Variants in SLX4 observed in about 807,000 individuals in gnomAD.
SLX4 encodes structure-specific endonuclease subunit SLX4.
SLX4 carries 112 observed loss-of-function variants against 146.2 expected under a neutral mutation model. That is an observed-to-expected ratio of 0.77 (90% CI 0.66 to 0.90). SLX4 has a LOEUF of 0.90. Ranked by LOEUF, SLX4 falls within the 40% of genes least tolerant of loss-of-function variation. The probability of loss-of-function intolerance (pLI) is 0.00; values close to 1 mark genes in which losing one functional copy is unlikely to be tolerated. For synonymous variants in SLX4, 1,061 were observed against 997.7 expected, an observed-to-expected ratio of 1.06 and a Z score of -1.20; for missense variants, 2,563 against 2,392.7, an observed-to-expected ratio of 1.07 and a Z score of -1.49.
rs1456179645 is a variant in SLX4 at position 3,606,460 on chromosome 16, C to T, written c.760+14G>A. 1 of 1,613,182 alleles carries T rather than the reference C, an allele frequency of 6.2e-7. No homozygotes were observed. The highest frequency in any genetic ancestry group is 8.5e-7 in the Non-Finnish European group (1 of 1,179,142). The stretch of plus-strand genomic sequence containing the variant: ...CTTATCTCTGTGTGGAAGACAGAAA[C>T]ACACTCATCATACCATTCCCCGCCA... On this transcript the variant is annotated intron_variant, in intron 3 of 14. Transcript: ENST00000294008.
intron 8 of SLX4, 142 bp downstream of exon 8, chr16:3,596,011 A>C (rs2151129662): frequency 1.5e-6 from 2 of 1,295,790 alleles, no homozygotes; most frequent in Non-Finnish European, 1.0e-6. Flanking sequence ...AAAAAATGAA[A>C]GCGCCCAGAG....
chr16:3,607,318 C>A (rs761644217), intron 2 of SLX4, among the ~76,000 whole-genome samples: 16 of 152,206 alleles, frequency 1.1e-4, no homozygotes, highest in Non-Finnish European at 1.8e-4. Flanking sequence ...GTAGTCTATG[C>A]GACCTGAGAC....
In SLX4 at chr16:3,595,723, C is replaced by T. The variant is rs149916101; in HGVS notation, c.1925-30G>A. 3,952 of 1,609,636 alleles carry T rather than the reference C, an allele frequency of 2.5e-3. 20 individuals are homozygous for T. The highest frequency in any genetic ancestry group is 0.018 in the African/African-American group (1,318 of 74,928). On this transcript the variant is annotated intron_variant, in intron 8 of 14. Transcript: ENST00000294008. ...GTGGAGGATTCACAGGTTAAAGGAACGTCACAGCCCAGCCACATCCACCAC... is the reference window on the plus strand; with the variant it reads ...GTGGAGGATTCACAGGTTAAAGGAATGTCACAGCCCAGCCACATCCACCAC...
chr16:3,584,877 TA>T lies in SLX4; in HGVS notation c.4637-7del, dbSNP rs2040490545. ...CTTCTTCCGATTAGCACCTTCTGGG[TA>T]AAACAAAAGAAGCACACGTTTTAGC... On this transcript the variant is annotated splice_region_variant and splice_polypyrimidine_tract_variant and intron_variant, in intron 12 of 14. Coordinates refer to ENST00000294008, the MANE Select transcript of SLX4 (RefSeq NM_032444.4). 6.2e-7 allele frequency: 1 copy of T among 1,604,016 alleles called. No individual in the cohort carries two copies. Among genetic ancestry groups the T allele is most frequent in the Non-Finnish European group, 8.5e-7 (1 of 1,170,852 alleles).
intron 5 of SLX4, chr16:3,600,748 G>C: frequency 2.1e-6 from 1 of 477,358 alleles, no homozygotes; most frequent in East Asian, 4.1e-5. Flanking sequence ...CTACAGGCAT[G>C]TGCCACCATG....
intron 12 of SLX4, among the ~76,000 whole-genome samples, chr16:3,588,761 G>T (rs570379561): frequency 6.6e-5 from 10 of 152,296 alleles, no homozygotes; most frequent in African/African-American, 2.4e-4. Flanking sequence ...ACATGCCCAG[G>T]TGAGCACTGG....
intron 3 of SLX4, among the ~76,000 whole-genome samples, chr16:3,604,066 G>C (rs113364766): frequency 0.063 from 9,610 of 151,800 alleles, 321 homozygotes; most frequent in Admixed American, 0.074. Context: ...CCCATTTCTA[G>C]TAAAAATACA....
At position 3,597,921 on chromosome 16, in the gene SLX4, G is replaced by A. The variant is rs773150424; in HGVS notation, c.1242C>T (p.Asp414=). 8 of 1,614,102 alleles carry A rather than the reference G, an allele frequency of 5.0e-6. No individual in the cohort carries two copies. Among genetic ancestry groups the A allele is most frequent in the Admixed American group, 1.7e-5 (1 of 60,030 alleles). Reference sequence around the variant, plus strand: ...CCAGCAGGTCCTCGGACGGTGCCTCGTCCACCTTCCGCCTCTTCCGTGGCT... The same window carrying A: ...CCAGCAGGTCCTCGGACGGTGCCTCATCCACCTTCCGCCTCTTCCGTGGCT... ...KKEPRKRRKV[D]EAPSEDLLVA... The change falls in exon 6 of 15, where the codon GAC becomes GAT. Residue 414 remains aspartate, a synonymous_variant. Transcript: ENST00000294008. The surrounding 1 kb of genome is among the most constrained non-coding windows in gnomAD (Gnocchi z 4.4).
At position 3,590,807 on chromosome 16, in the gene SLX4, G is replaced by A; in HGVS notation, c.2831C>T (p.Pro944Leu). Residue 944 changes from proline (P) to leucine (L), a missense_variant, in exon 12 of 15, where the codon CCT (proline) becomes CTT (leucine). Transcript: ENST00000294008. This position sits in a 1 kb window ranked among gnomAD's most constrained non-coding sequence, Gnocchi z 4.8. Reference sequence around the variant, plus strand: ...CGCCTCCTCTGGCGCCTCCTGCTCAGGGGCCTCTGCTCCCCGTGCCCCTGA... The same window carrying A: ...CGCCTCCTCTGGCGCCTCCTGCTCAAGGGCCTCTGCTCCCCGTGCCCCTGA... ...QHSGARGAEA[P>L]EQEAPEEALG... is the part of the protein sequence containing the mutation. 6.2e-7 allele frequency: 1 copy of A among 1,614,030 alleles called. No individual in the cohort carries two copies. Among genetic ancestry groups the A allele is most frequent in the South Asian group, 1.1e-5 (1 of 91,080 alleles).
intron 12 of SLX4, among the ~76,000 whole-genome samples, chr16:3,586,924 A>G (rs1485171011): frequency 6.6e-6 from 1 of 152,202 alleles, no homozygotes; most frequent in Non-Finnish European, 1.5e-5. Context: ...CACAGACACA[A>G]AAGGCCACAT....
intron 10 of SLX4, among the ~76,000 whole-genome samples, chr16:3,594,092 C>T (rs1278273396): frequency 1.3e-5 from 2 of 152,120 alleles, no homozygotes; most frequent in South Asian, 2.1e-4. Context: ...TGGTCTTGAT[C>T]TCCTGACCTT....
chr16:3,599,235 T>G (rs2040700903), intron 5 of SLX4, among the ~76,000 whole-genome samples: 1 of 152,090 alleles, frequency 6.6e-6, no homozygotes, highest in South Asian at 2.1e-4. Flanking sequence ...CTCTGCCATC[T>G]CAGCCCCGAG....
rs1453789700 is a variant in SLX4 at position 3,606,612 on chromosome 16, A to T, written c.622T>A (p.Leu208Met). 6.2e-7 allele frequency: 1 copy of T among 1,614,034 alleles called. No homozygotes were observed. The highest frequency in any genetic ancestry group is 8.5e-7 in the Non-Finnish European group (1 of 1,180,040). Reference sequence around the variant, plus strand: ...AACTGCTGCATTCGCTGTAGGACCAATTGTGCTGTGCGGGGTTTGGAGGGA... The same window carrying T: ...AACTGCTGCATTCGCTGTAGGACCATTTGTGCTGTGCGGGGTTTGGAGGGA... The part of the protein sequence containing the change: ...PSPSKPRTAQ[L>M]VLQRMQQFKR... The change falls in exon 3 of 15, where the codon TTG (leucine) becomes ATG (methionine). Residue 208 changes from leucine to methionine, a missense_variant. Coordinates refer to ENST00000294008, the MANE Select transcript of SLX4 (RefSeq NM_032444.4).
rs111979605 is a variant in SLX4 at position 3,593,164 on chromosome 16, C to G, written c.2161-299G>C. Among the ~76,000 whole-genome samples the G allele has an allele frequency of 0.064, 9,603 of 151,190 alleles. 319 individuals are homozygous for G. Among genetic ancestry groups the G allele is most frequent in the Admixed American group, 0.074 (1,118 of 15,190 alleles). Reference sequence around the variant, plus strand: ...CGGCTCACTGCAACCTCCACCTCCTCGGTTCCAGCGTATTCTCCTGCCTCA... The same window carrying G: ...CGGCTCACTGCAACCTCCACCTCCTGGGTTCCAGCGTATTCTCCTGCCTCA... On this transcript the variant is annotated intron_variant, in intron 10 of 14. Coordinates refer to ENST00000294008, the MANE Select transcript of SLX4 (RefSeq NM_032444.4).
chr16:3,595,475 G>C lies in SLX4; in HGVS notation c.2013+130C>G, dbSNP rs2040640910. On this transcript the variant is annotated intron_variant, in intron 9 of 14. Transcript: ENST00000294008. ...GATGTCAGGATGTGGCAGCCTTCTG[G>C]AAAGCAGAGGCCTTGAGAGGCCACT... The C allele has an allele frequency of 1.0e-6, 1 of 999,956 alleles. No homozygotes were observed. Among genetic ancestry groups the C allele is most frequent in the Non-Finnish European group, 1.5e-6 (1 of 652,562 alleles). The allele number at this position is 999,956 out of a possible 1,614,324, so 61.9% of individuals were successfully genotyped here. A position where few individuals can be genotyped will look rare whatever the true frequency, so the allele number is the denominator to read the frequency against.
At chr16:3,592,986 G>A (rs2040610827) in intron 10 of SLX4, 121 bp from the exon 11 acceptor site, 1 of 981,610 alleles carries the variant, frequency 1.0e-6, no homozygotes, top group Non-Finnish European at 1.5e-6. Flanking sequence ...TAGAGACAGT[G>A]TCTCCCCTTG....
At position 3,590,992 on chromosome 16, in the gene SLX4, AC is replaced by A; in HGVS notation, c.2645del (p.Gly882ValfsTer10). The A allele has an allele frequency of 6.2e-7, 1 of 1,613,772 alleles. No homozygotes were observed. The highest frequency in any genetic ancestry group is 8.5e-7 in the Non-Finnish European group (1 of 1,179,948). ...GAGEDADWLE[G>X]GSPVSGQLLA... Reference sequence around the variant, plus strand: ...GGAGTTGCCCAGAAACCGGACTGCCACCCTCCAGCCAGTCAGCGTCCTCGCC... The same window carrying A: ...GGAGTTGCCCAGAAACCGGACTGCCACCTCCAGCCAGTCAGCGTCCTCGCC... On this transcript the variant is annotated frameshift_variant, in exon 12 of 15. Coordinates refer to ENST00000294008, the MANE Select transcript of SLX4 (RefSeq NM_032444.4). LOFTEE classifies it high-confidence loss of function. This position sits in a 1 kb window ranked among gnomAD's most constrained non-coding sequence, Gnocchi z 4.8.
intron 8 of SLX4, 110 bp from the exon 9 acceptor site, chr16:3,595,803 T>G (rs980114678): frequency 7.9e-7 from 1 of 1,266,166 alleles, no homozygotes; most frequent in Non-Finnish European, 1.1e-6. Flanking sequence ...CCTCGGAAGG[T>G]GCTTGCTATC....
Position 3,582,790 on chromosome 16 carries a change from A to G in SLX4, c.5154-97T>C, listed in dbSNP as rs1323340918. On this transcript the variant is annotated intron_variant, in intron 14 of 14. Transcript: ENST00000294008. ...AGGAAGGAAGGTGTCTACGGGTCCC[A>G]TGGAGCCTGGCCTGTGGCACGATCC... 7 of 1,180,070 alleles carry G rather than the reference A, an allele frequency of 5.9e-6. No individual in the cohort carries two copies. In the East Asian group the frequency reaches 7.6e-5, roughly 13 times the overall value. The allele number at this position is 1,180,070 out of a possible 1,614,324, so 73.1% of individuals were successfully genotyped here.
Sources: allele counts gnomAD v4.1 joint callset (sites outside exome capture counted in the v4.1 genomes callset), GRCh38; gene constraint gnomAD v4.1.1; non-coding constraint Gnocchi (gnomAD v3.1); transcripts MANE v1.5; gene names NCBI Gene and HGNC (gene_info 2026-07-23, HGNC 2026-07-21).